The following MINDY4 variants were observed in gnomAD, a reference collection of about 807,000 sequenced individuals.
MINDY4 encodes the protein probable ubiquitin carboxyl-terminal hydrolase MINDY-4.
Under a neutral mutation model 87.0 loss-of-function variants are expected in MINDY4, and 68 were observed. The ratio of observed to expected loss-of-function variants is 0.78; its 90% CI spans 0.64 to 0.96. The LOEUF (loss-of-function observed/expected upper bound fraction) is 0.96. Ranked by LOEUF, MINDY4 falls within the 40% of genes least tolerant of loss-of-function variation. The pLI is 0.00. For missense variants in MINDY4, 919 were observed against 928.2 expected (o/e 0.99, Z 0.13); for synonymous variants, 379 against 363.2 (o/e 1.04, Z -0.50).
chr7:30,789,462 G>A (rs1787253418), intron 4 of MINDY4, among the ~76,000 whole-genome samples: 1 of 152,164 alleles, frequency 6.6e-6, no homozygotes, highest in Non-Finnish European at 1.5e-5. Flanking sequence ...CAGGAGAAAA[G>A]CTCCAAAGAT....
intron 5 of MINDY4, among the ~76,000 whole-genome samples, chr7:30,791,779 A>C (rs750990870): frequency 6.6e-6 from 1 of 152,200 alleles, no homozygotes; most frequent in Non-Finnish European, 1.5e-5. Flanking sequence ...AAAGCTGAAG[A>C]ATGCTCTAGA....
rs13311603 is a variant in MINDY4 at position 30,812,278 on chromosome 7, G to A, written c.1074-16401G>A. Among the ~76,000 whole-genome samples the A allele has an allele frequency of 6.7e-3, 653 of 96,958 alleles. 8 individuals carry two copies. The highest frequency in any genetic ancestry group is 0.018 in the African/African-American group (601 of 34,060). 63.6% of individuals were successfully genotyped at this position (96,958 alleles called of 152,430 possible). On this transcript the variant is annotated intron_variant, in intron 5 of 17. Transcript: ENST00000265299. ...TAATGTGTATGTGTGTTGAGGGGGG[G>A]GGGGTATGTATGTATGCATTGAGAG...
intron 9 of MINDY4, among the ~76,000 whole-genome samples, chr7:30,844,755 AG>A (rs1789153628): frequency 6.6e-6 from 1 of 152,100 alleles, no homozygotes; most frequent in Non-Finnish European, 1.5e-5. Flanking sequence ...CCACCCTGGG[AG>A]AGGGGAAGGG....
intron 2 of MINDY4, chr7:30,780,972 G>A (rs1019759235): frequency 2.0e-5 from 3 of 152,218 alleles, no homozygotes; most frequent in Non-Finnish European, 2.9e-5. Flanking sequence ...TTTGTCTGAT[G>A]AATCTGTTGA....
At chr7:30,862,225 C>T (rs1789787403) in intron 13 of MINDY4, among the ~76,000 whole-genome samples, 1 of 152,198 alleles carries the variant, frequency 6.6e-6, no homozygotes, top group South Asian at 2.1e-4. Flanking sequence ...CCACCTGGAG[C>T]CCAGGGGAGA....
intron 15 of MINDY4, 95 bp downstream of exon 15, chr7:30,875,751 C>T (rs1790239370): frequency 1.4e-6 from 2 of 1,382,566 alleles, no homozygotes; most frequent in East Asian, 2.3e-5. Context: ...CTCCACTTCT[C>T]AGAGCTGGCT....
intron 5 of MINDY4, among the ~76,000 whole-genome samples, chr7:30,810,292 G>A (rs547821821): frequency 7.9e-4 from 113 of 143,906 alleles, no homozygotes; most frequent in African/African-American, 2.9e-3. Flanking sequence ...ATTTATGCAA[G>A]AAATGTTGTA....
intron 5 of MINDY4, among the ~76,000 whole-genome samples, chr7:30,827,440 T>G (rs968003129): frequency 1.3e-3 from 200 of 151,980 alleles, no homozygotes; most frequent in African/African-American, 4.3e-3. Context: ...TGGGTGGGGG[T>G]GCTCTGACAC....
At chr7:30,852,908 A>T (rs1032367021) in intron 11 of MINDY4, among the ~76,000 whole-genome samples, 5 of 152,150 alleles carry the variant, frequency 3.3e-5, no homozygotes, top group African/African-American at 1.2e-4. Context: ...GCATTGTTGA[A>T]TGTTTTCTCT....
chr7:30,886,786 T>C (rs1409316746), intron 17 of MINDY4, among the ~76,000 whole-genome samples: 4 of 152,210 alleles, frequency 2.6e-5, no homozygotes, highest in African/African-American at 9.6e-5. Context: ...AACCTCGGCC[T>C]GAGAGAGTCT....
chr7:30,791,072 G>A (rs1039012587), intron 4 of MINDY4, 93 bp from the exon 5 acceptor site: 2 of 1,208,786 alleles, frequency 1.7e-6, no homozygotes, highest in Non-Finnish European at 2.3e-6. Context: ...TCCTGGGAGA[G>A]ACATCACATC....
At chr7:30,774,740 C>G (rs970605839) in intron 1 of MINDY4, among the ~76,000 whole-genome samples, 1 of 151,758 alleles carries the variant, frequency 6.6e-6, no homozygotes, top group African/African-American at 2.4e-5. Context: ...AGGAGACTGT[C>G]CCTCTTAGCT....
chr7:30,873,059 TC>T (rs1268449047), intron 14 of MINDY4, among the ~76,000 whole-genome samples: 2 of 152,192 alleles, frequency 1.3e-5, no homozygotes, highest in Non-Finnish European at 2.9e-5. Flanking sequence ...GACTCAGTTG[TC>T]CTGGGGGTCC....
At chr7:30,850,656 C>T (rs893753912) in intron 10 of MINDY4, 101 bp downstream of exon 10, 3 of 1,014,074 alleles carry the variant, frequency 3.0e-6, no homozygotes, top group Admixed American at 4.1e-5. Context: ...TTCCGTTACC[C>T]ACCCTGTGCC....
intron 1 of MINDY4, among the ~76,000 whole-genome samples, chr7:30,775,680 C>T (rs1292771722): frequency 1.3e-5 from 2 of 152,192 alleles, no homozygotes; most frequent in South Asian, 2.1e-4. Context: ...GACCAGCCCC[C>T]ATCCTGAAGC....
At chr7:30,810,343 GAAAAA>G (rs57035996) in intron 5 of MINDY4, among the ~76,000 whole-genome samples, 1 of 131,844 alleles carries the variant, frequency 7.6e-6, no homozygotes, top group Non-Finnish European at 1.7e-5. Context: ...TAAAACTATT[GAAAAA>G]AAAAAAAAAG....
At chr7:30,776,062 C>A (rs1786802000) in intron 1 of MINDY4, among the ~76,000 whole-genome samples, 1 of 152,210 alleles carries the variant, frequency 6.6e-6, no homozygotes, top group African/African-American at 2.4e-5. Flanking sequence ...TCCAAGCCAC[C>A]CCTTTGTTTC....
intron 5 of MINDY4, among the ~76,000 whole-genome samples, chr7:30,805,182 G>T (rs2128556653): frequency 6.6e-6 from 1 of 152,350 alleles, no homozygotes; most frequent in African/African-American, 2.4e-5. Flanking sequence ...GTGGGCTCTG[G>T]CCTGGATGTG....
chr7:30,797,878 A>G (rs904800963), intron 5 of MINDY4, among the ~76,000 whole-genome samples: 4 of 152,178 alleles, frequency 2.6e-5, no homozygotes, highest in African/African-American at 7.2e-5. Context: ...GTGGTGAGAC[A>G]TGGGCTAGAA....
Sources: allele counts gnomAD v4.1 joint callset (sites outside exome capture counted in the v4.1 genomes callset), GRCh38; gene constraint gnomAD v4.1.1; transcripts MANE v1.5; gene names NCBI Gene and HGNC (gene_info 2026-07-23, HGNC 2026-07-21).